Variants in EBI3 observed in about 807,000 individuals in gnomAD.
The protein encoded by EBI3 is Epstein-Barr virus induced 3, also known as interleukin-27 subunit beta.
EBI3 carries 19 observed loss-of-function variants against 21.3 expected under a neutral mutation model. The observed-to-expected ratio is 0.89, with a 90% CI of 0.62 to 1.31. EBI3 has a LOEUF of 1.31. EBI3 is among the 50% of genes most tolerant of loss of function. The pLI is 0.00. For synonymous variants in EBI3, 154 were observed against 131.2 expected (o/e 1.17, Z -1.19); for missense variants, 331 against 314.0 (o/e 1.05, Z -0.41).
intron 4 of EBI3, 37 bp downstream of exon 4, chr19:4,234,861 C>A (rs922880420): frequency 6.2e-7 from 1 of 1,606,972 alleles, no homozygotes; most frequent in Non-Finnish European, 8.5e-7. Flanking sequence ...AAGGGTGGTG[C>A]CTGGCAGAGG....
At position 4,232,552 on chromosome 19, in the gene EBI3, A is replaced by AT. The variant is rs201846770; in HGVS notation, c.201-576dup. Among the ~76,000 whole-genome samples, 598 of 129,054 alleles carry AT rather than the reference A, an allele frequency of 4.6e-3. 7 individuals are homozygous for AT. The highest frequency in any genetic ancestry group is 0.016 in the African/African-American group (573 of 36,504). 84.7% of individuals were successfully genotyped at this position (129,054 alleles called of 152,430 possible). On this transcript the variant is annotated intron_variant, in intron 2 of 4. Transcript: ENST00000221847. ...GGGCAACATACTGAGACCCCCCCCCATCTGTAGAAAAAAAATTTAAAATTA... is the reference window on the plus strand; with the variant it reads ...GGGCAACATACTGAGACCCCCCCCCATTCTGTAGAAAAAAAATTTAAAATTA...
At chr19:4,236,210 C>T (rs1047696249) in intron 4 of EBI3, among the ~76,000 whole-genome samples, 29 of 152,104 alleles carry the variant, frequency 1.9e-4, no homozygotes, top group African/African-American at 5.5e-4. Flanking sequence ...AAAAATTAGC[C>T]GGGTGTGGTG....
rs1370398993 is a variant in EBI3, at chr19:4,231,270, C to A, written c.147C>A (p.Thr49=). ...RYPIAVDCSW[T]LPPAPNSTSP... Reference sequence around the variant, plus strand: ...CGATCGCCGTGGATTGCTCCTGGACCCTGCCGCCTGCTCCAAACTCCACCA... The same window carrying A: ...CGATCGCCGTGGATTGCTCCTGGACACTGCCGCCTGCTCCAAACTCCACCA... Residue 49 remains threonine (T), a synonymous_variant, in exon 2 of 5, where the codon ACC becomes ACA. Transcript: ENST00000221847. 2 of 1,613,316 alleles carry A rather than the reference C, an allele frequency of 1.2e-6. No homozygotes were observed. The highest frequency in any genetic ancestry group is 1.7e-6 in the Non-Finnish European group (2 of 1,179,824).
rs747650023 is a variant in EBI3, at chr19:4,237,025, A to G, written c.627A>G (p.Thr209=). Residue 209 remains threonine (T), a synonymous_variant, in exon 5 of 5, where the codon ACA becomes ACG. Coordinates refer to ENST00000221847, the MANE Select transcript of EBI3 (RefSeq NM_005755.3). ...YYVQVAAQDL[T]DYGELSDWSL... ...TCCAAGTGGCGGCTCAGGACCTCAC[A>G]GACTACGGGGAACTGAGTGACTGGA... The G allele has an allele frequency of 1.3e-6, 2 of 1,579,124 alleles. No individual in the cohort carries two copies. The highest frequency in any genetic ancestry group is 1.7e-5 in the Admixed American group (1 of 57,932).
intron 3 of EBI3, among the ~76,000 whole-genome samples, chr19:4,234,013 C>T (rs968473308): frequency 4.6e-5 from 7 of 152,048 alleles, no homozygotes; most frequent in African/African-American, 1.4e-4. Flanking sequence ...GAGACCAGTC[C>T]TGGCCAACAT....
rs1007278697 is a variant in EBI3 at position 4,234,838 on chromosome 19, G to C, written c.537+14G>C. ...CGCTTCCACCGGGTGAGGAGGATGAGGGGGAGGCTGGAAAGGGTGGTGCCT... is the reference window on the plus strand; with the variant it reads ...CGCTTCCACCGGGTGAGGAGGATGACGGGGAGGCTGGAAAGGGTGGTGCCT... On this transcript the variant is annotated intron_variant, in intron 4 of 4. Coordinates refer to ENST00000221847, the MANE Select transcript of EBI3 (RefSeq NM_005755.3). 8.1e-6 allele frequency: 13 copies of C among 1,612,312 alleles called. No individual in the cohort carries two copies. The highest frequency in any genetic ancestry group is 1.7e-4 in the Middle Eastern group (1 of 6,020).
intron 1 of EBI3, 29 bp from the exon 2 acceptor site, chr19:4,231,162 A>C (rs1330450792): frequency 1.3e-6 from 2 of 1,537,700 alleles, no homozygotes; most frequent in African/African-American, 2.8e-5. Context: ...GGGGTAAACC[A>C]GAAGCTCACT....
rs527330480 is a variant in EBI3, at chr19:4,231,993, G to A, written c.200+670G>A. ...TGTAATCCCAGCACTTTGGGAGGCC[G>A]AGGTGGGCGGATCACAAGGTCAGGA... On this transcript the variant is annotated intron_variant, in intron 2 of 4. Transcript: ENST00000221847. Among the ~76,000 whole-genome samples the A allele has an allele frequency of 2.6e-5, 4 of 151,960 alleles. No homozygotes were observed. In the East Asian group the frequency reaches 7.8e-4, roughly 29 times the overall value.
In EBI3 at chr19:4,237,065, GC is replaced by G; in HGVS notation, c.669del (p.Thr224GlnfsTer2). On this transcript the variant is annotated frameshift_variant, in exon 5 of 5. Coordinates refer to ENST00000221847, the MANE Select transcript of EBI3 (RefSeq NM_005755.3). LOFTEE classifies it low-confidence loss of function (END_TRUNC). ...ELSDWSLPATATMSLGK is the reference protein window; with the variant it reads ...ELSDWSLPATXTMSLGK Reference sequence around the variant, plus strand: ...GAGTGACTGGAGTCTCCCCGCCACTGCCACAATGAGCCTGGGCAAGTAGCAA... The same window carrying G: ...GAGTGACTGGAGTCTCCCCGCCACTGCACAATGAGCCTGGGCAAGTAGCAA... The G allele has an allele frequency of 6.4e-7, 1 of 1,552,436 alleles. No homozygotes were observed. Among genetic ancestry groups the G allele is most frequent in the Non-Finnish European group, 8.7e-7 (1 of 1,145,966 alleles).
chr19:4,229,758 G>A (rs1470199382), intron 1 of EBI3, 141 bp downstream of exon 1: 1 of 878,192 alleles, frequency 1.1e-6, no homozygotes, highest in Non-Finnish European at 1.7e-6. Context: ...TTGTACAGAT[G>A]GAGGAACTGA....
intron 2 of EBI3, among the ~76,000 whole-genome samples, chr19:4,232,195 T>G (rs1359530037): frequency 1.8e-4 from 20 of 109,578 alleles, no homozygotes; most frequent in Admixed American, 5.8e-4. Flanking sequence ...CTGCACTGCA[T>G]CCTGGTGATA....
At chr19:4,234,631 A>C in intron 3 of EBI3, 36 bp from the exon 4 acceptor site, 1 of 1,591,486 alleles carries the variant, frequency 6.3e-7, no homozygotes, top group Non-Finnish European at 8.6e-7. Context: ...GACTGGACTT[A>C]CTGTCCCCTG....
Position 4,229,543 on chromosome 19 carries a change from C to A in EBI3, c.-8C>A. 1 of 1,608,762 alleles carries A rather than the reference C, an allele frequency of 6.2e-7. No individual in the cohort carries two copies. The highest frequency in any genetic ancestry group is 1.7e-5 in the Admixed American group (1 of 59,254). The stretch of plus-strand genomic sequence containing the variant: ...CACCCACTCCTGAGAGCAGAGCTGG[C>A]CGCAGCCATGACCCCGCAGCTTCTC... On this transcript the variant is annotated 5_prime_UTR_variant, in exon 1 of 5. Transcript: ENST00000221847.
chr19:4,234,989 T>C (rs2144677562), intron 4 of EBI3, among the ~76,000 whole-genome samples, 165 bp downstream of exon 4: 1 of 152,212 alleles, frequency 6.6e-6, no homozygotes, highest in Non-Finnish European at 1.5e-5. Context: ...CCGAAAAGGA[T>C]GGAAAGCAGG....
intron 2 of EBI3, among the ~76,000 whole-genome samples, chr19:4,231,907 C>T (rs1401591612): frequency 6.6e-6 from 1 of 151,518 alleles, no homozygotes; most frequent in Non-Finnish European, 1.5e-5. Flanking sequence ...ATAGTGAGAC[C>T]CTGTCTCTAA....
At chr19:4,234,998 G>A (rs1489140774) in intron 4 of EBI3, among the ~76,000 whole-genome samples, 174 bp downstream of exon 4, 1 of 152,138 alleles carries the variant, frequency 6.6e-6, no homozygotes, top group African/African-American at 2.4e-5. Flanking sequence ...ATGGAAAGCA[G>A]GGACTTGCAC....
intron 1 of EBI3, 28 bp downstream of exon 1, chr19:4,229,645 G>A: frequency 1.9e-6 from 3 of 1,585,182 alleles, no homozygotes; most frequent in Non-Finnish European, 1.7e-6. Context: ...GGGACTGGGG[G>A]GCCCAGGCAG....
intron 3 of EBI3, among the ~76,000 whole-genome samples, chr19:4,233,512 CCA>C (rs1568355867): frequency 2.0e-5 from 3 of 152,154 alleles, no homozygotes; most frequent in Non-Finnish European, 2.9e-5. Context: ...GCCCTGGCCT[CCA>C]CAGTCTGTCC....
intron 3 of EBI3, among the ~76,000 whole-genome samples, chr19:4,234,077 G>T (rs943182310): frequency 1.3e-5 from 2 of 152,136 alleles, no homozygotes; most frequent in Non-Finnish European, 2.9e-5. Context: ...ATAGTGGCAG[G>T]TGCCTGTAAT....
Sources: gnomAD v4.1 joint callset for allele counts (sites outside exome capture counted in the v4.1 genomes callset) on GRCh38, gnomAD v4.1.1 for gene constraint, MANE v1.5 for transcripts, NCBI Gene and HGNC (gene_info 2026-07-23, HGNC 2026-07-21) for gene names.